Variants in EXT1 observed in about 807,000 individuals in gnomAD.
EXT1 encodes the protein exostosin glycosyltransferase 1.
Under a neutral mutation model 82.5 loss-of-function variants are expected in EXT1, and 20 were observed. The ratio of observed to expected loss-of-function variants is 0.24; its 90% CI spans 0.17 to 0.35. EXT1 has a LOEUF of 0.35. Among genes scored for constraint, EXT1 ranks in the 10% least tolerant of loss-of-function variants. The pLI, the probability that EXT1 is intolerant of heterozygous loss-of-function variation, is 1.00. For missense variants in EXT1, 757 were observed against 936.5 expected, an observed-to-expected ratio of 0.81 and a Z score of 2.50; for synonymous variants, 348 against 350.8, an observed-to-expected ratio of 0.99 and a Z score of 0.09.
intron 9 of EXT1, 68 bp downstream of exon 9, chr8:117,807,149 C>A: frequency 6.3e-7 from 1 of 1,595,164 alleles, no homozygotes; most frequent in Non-Finnish European, 8.6e-7. Flanking sequence ...GGCCTTAGTT[C>A]CTATTTATGC....
intron 1 of EXT1, among the ~76,000 whole-genome samples, chr8:118,087,169 A>G (rs1310008573): frequency 6.6e-6 from 1 of 152,188 alleles, no homozygotes; most frequent in African/African-American, 2.4e-5. Flanking sequence ...CTGCCATCCA[A>G]TCTGACAGCA....
chr8:118,108,124 T>A (rs913406672), intron 1 of EXT1, among the ~76,000 whole-genome samples: 1 of 152,170 alleles, frequency 6.6e-6, no homozygotes, highest in Admixed American at 6.5e-5. Context: ...AACCAACCCC[T>A]CCCTTCATTG....
chr8:117,811,194 G>C (rs2129714706), intron 8 of EXT1, among the ~76,000 whole-genome samples: 1 of 152,240 alleles, frequency 6.6e-6, no homozygotes, highest in Non-Finnish European at 1.5e-5. Flanking sequence ...ATATAGCCTG[G>C]AACTGTGTAA....
chr8:118,006,709 AT>A (rs779693347), intron 1 of EXT1, among the ~76,000 whole-genome samples: 1 of 152,226 alleles, frequency 6.6e-6, no homozygotes, highest in Non-Finnish European at 1.5e-5. Context: ...CTGAAAAAAT[AT>A]TCACATTTTT....
At chr8:118,010,555 G>A (rs1014836562) in intron 1 of EXT1, among the ~76,000 whole-genome samples, 1 of 152,072 alleles carries the variant, frequency 6.6e-6, no homozygotes, top group African/African-American at 2.4e-5. Context: ...ACTTGAATGT[G>A]TTACGCTGAC....
rs1392268453 is a variant in EXT1 at position 118,040,200 on chromosome 8, C to G, written c.962+69885G>C. On this transcript the variant is annotated intron_variant, in intron 1 of 10. Transcript: ENST00000378204. ...CAAAAAAGCCTGCTGGCCTAATTAC[C>G]AGTCCGCAAACCACAGATTCATACT... Among the ~76,000 whole-genome samples the G allele has an allele frequency of 2.0e-5, 3 of 152,080 alleles. No individual in the cohort carries two copies. The South Asian group carries it at 6.2e-4, about 32-fold the overall frequency.
intron 1 of EXT1, among the ~76,000 whole-genome samples, chr8:118,013,034 T>A (rs1328173706): frequency 6.6e-6 from 1 of 152,090 alleles, no homozygotes; most frequent in Non-Finnish European, 1.5e-5. Flanking sequence ...ATGTGTTCAC[T>A]GATGTTTTTT....
intron 1 of EXT1, among the ~76,000 whole-genome samples, chr8:118,002,160 T>A (rs567290565): frequency 3.6e-4 from 55 of 152,084 alleles, no homozygotes; most frequent in Non-Finnish European, 3.2e-4. Context: ...TATTTCCAAA[T>A]AAATTATTTT....
In EXT1 at chr8:117,821,715, G is replaced by A. The variant is rs372168353; in HGVS notation, c.1417+750C>T. On this transcript the variant is annotated intron_variant, in intron 5 of 10. Transcript: ENST00000378204. ...GAATGGAAAATCTTGTCTTTTTGCT[G>A]TATCAGCTTGGAAGATGCTTTCCTG... 6.6e-5 allele frequency among the ~76,000 whole-genome samples: 10 copies of A among 152,226 alleles called. No homozygotes were observed. In the East Asian group the frequency reaches 1.7e-3, roughly 26 times the overall value.
intron 1 of EXT1, among the ~76,000 whole-genome samples, chr8:118,032,790 G>A (rs935908920): frequency 2.6e-5 from 4 of 152,150 alleles, no homozygotes; most frequent in Admixed American, 6.6e-5. Flanking sequence ...GATTACAGAC[G>A]TGAGCCACTG....
At chr8:117,837,435 T>G (rs1812205834) in intron 1 of EXT1, among the ~76,000 whole-genome samples, 1 of 152,166 alleles carries the variant, frequency 6.6e-6, no homozygotes. Flanking sequence ...GCAGTATATA[T>G]AAAGACAAGT....
chr8:117,809,209 G>GTATAAATA (rs1471755255), intron 8 of EXT1, among the ~76,000 whole-genome samples: 1,209 of 85,678 alleles, frequency 0.014, 12 homozygotes, highest in Middle Eastern at 0.033. Context: ...ATATGTGTGT[G>GTATAAATA]TGTGTATAAA....
chr8:117,820,331 G>T, intron 5 of EXT1, among the ~76,000 whole-genome samples: 1 of 152,288 alleles, frequency 6.6e-6, no homozygotes. Flanking sequence ...TTAACCCTCT[G>T]TGTTTCCACA....
intron 1 of EXT1, among the ~76,000 whole-genome samples, chr8:117,895,816 G>A (rs2129954542): frequency 6.6e-6 from 1 of 152,260 alleles, no homozygotes; most frequent in Middle Eastern, 3.4e-3. Context: ...CTTTGCTGGA[G>A]TAAGTTACCC....
intron 1 of EXT1, among the ~76,000 whole-genome samples, chr8:118,067,795 C>T (rs1817018275): frequency 6.6e-6 from 1 of 152,222 alleles, no homozygotes; most frequent in African/African-American, 2.4e-5. Flanking sequence ...TCTCTTTTAG[C>T]TTGGTGACAT....
At chr8:117,897,343 C>G (rs529321979) in intron 1 of EXT1, among the ~76,000 whole-genome samples, 1 of 152,272 alleles carries the variant, frequency 6.6e-6, no homozygotes, top group East Asian at 1.9e-4. Flanking sequence ...AAGGGACAAG[C>G]TAAGGGCTGA....
intron 1 of EXT1, among the ~76,000 whole-genome samples, chr8:118,077,216 G>T (rs1586260022): frequency 6.6e-6 from 1 of 152,192 alleles, no homozygotes; most frequent in Admixed American, 6.5e-5. Context: ...TGAGCAAGGA[G>T]CTTCCAGCTC....
intron 1 of EXT1, among the ~76,000 whole-genome samples, chr8:118,053,511 TCTGA>T (rs1816750486): frequency 6.6e-6 from 1 of 152,228 alleles, no homozygotes; most frequent in African/African-American, 2.4e-5. Context: ...TAGCCTCATG[TCTGA>T]CTAATTTTTT....
In EXT1 at chr8:117,911,450, T is replaced by C. The variant is rs145244406; in HGVS notation, c.963-74249A>G. 6.6e-5 allele frequency among the ~76,000 whole-genome samples: 10 copies of C among 152,228 alleles called. 1 individual carries two copies. Among genetic ancestry groups the C allele is most frequent in the Middle Eastern group, 3.4e-3 (1 of 294 alleles). On this transcript the variant is annotated intron_variant, in intron 1 of 10. Transcript: ENST00000378204. ...TCCGATTCCCTATCCAATGAGCAACTGAGTCTAAATCCCATCAATGAAGCC... is the reference window on the plus strand; with the variant it reads ...TCCGATTCCCTATCCAATGAGCAACCGAGTCTAAATCCCATCAATGAAGCC...
Sources: gnomAD v4.1 joint callset for allele counts (sites outside exome capture counted in the v4.1 genomes callset) on GRCh38, gnomAD v4.1.1 for gene constraint, MANE v1.5 for transcripts, NCBI Gene and HGNC (gene_info 2026-07-23, HGNC 2026-07-21) for gene names.